Variants in AGBL4 observed in about 807,000 individuals in gnomAD.
AGBL4 encodes the protein cytosolic carboxypeptidase 6.
AGBL4 carries 58 observed loss-of-function variants against 66.4 expected under a neutral mutation model. The ratio of observed to expected loss-of-function variants is 0.87; its 90% CI spans 0.71 to 1.09. AGBL4 has a LOEUF of 1.09. AGBL4 is among the 50% of genes least tolerant of loss of function. The pLI, the probability that AGBL4 is intolerant of heterozygous loss-of-function variation, is 0.00. For missense variants in AGBL4, 579 were observed against 631.0 expected (o/e 0.92, Z 0.88); for synonymous variants, 234 against 222.9 (o/e 1.05, Z -0.44).
chr1:49,517,614 A>G (rs1174950936), intron 3 of AGBL4, among the ~76,000 whole-genome samples: 1 of 152,000 alleles, frequency 6.6e-6, no homozygotes, highest in Non-Finnish European at 1.5e-5. Context: ...GTCTCACTTA[A>G]TAAAGCACTA....
At chr1:49,017,466 C>T (rs1293346957) in intron 5 of AGBL4, among the ~76,000 whole-genome samples, 1 of 152,152 alleles carries the variant, frequency 6.6e-6, no homozygotes, top group Admixed American at 6.5e-5. Flanking sequence ...CTATTTCTAA[C>T]GTGGCATAAT....
At chr1:49,520,418 A>G (rs890942418) in intron 3 of AGBL4, among the ~76,000 whole-genome samples, 7 of 152,090 alleles carry the variant, frequency 4.6e-5, no homozygotes, top group South Asian at 2.1e-4. Context: ...TAAAGTATAT[A>G]TTAACTTTAC....
At chr1:48,801,318 T>C (rs1283468615) in intron 6 of AGBL4, among the ~76,000 whole-genome samples, 4 of 152,232 alleles carry the variant, frequency 2.6e-5, no homozygotes, top group Non-Finnish European at 4.4e-5. Context: ...CTGCAGCTCC[T>C]GCACTTGTAT....
intron 1 of AGBL4, among the ~76,000 whole-genome samples, chr1:49,919,268 T>C (rs190341862): frequency 3.3e-4 from 51 of 152,276 alleles, no homozygotes; most frequent in Non-Finnish European, 5.6e-4. Context: ...TAAAGGGGAT[T>C]CAATTAGGAA....
chr1:49,660,879 C>T (rs750251615), intron 3 of AGBL4, among the ~76,000 whole-genome samples: 71 of 151,794 alleles, frequency 4.7e-4, no homozygotes, highest in Non-Finnish European at 7.6e-4. Context: ...CATGTTCTCA[C>T]TTGTAAGTGG....
chr1:48,544,241 G>A (rs1287350732), intron 11 of AGBL4, among the ~76,000 whole-genome samples: 1 of 152,198 alleles, frequency 6.6e-6, no homozygotes, highest in Non-Finnish European at 1.5e-5. Flanking sequence ...TCTGGAGGCA[G>A]TCTCACCCAG....
intron 9 of AGBL4, among the ~76,000 whole-genome samples, chr1:48,626,973 G>T (rs1395710893): frequency 6.6e-6 from 1 of 152,074 alleles, no homozygotes; most frequent in African/African-American, 2.4e-5. Flanking sequence ...GAATGCCATG[G>T]CTATGGCCTC....
chr1:49,496,229 A>AT (rs1449536416), intron 3 of AGBL4, among the ~76,000 whole-genome samples: 1 of 152,058 alleles, frequency 6.6e-6, no homozygotes, highest in Non-Finnish European at 1.5e-5. Flanking sequence ...GCCATTTAAA[A>AT]TGGAGTCTTT....
chr1:49,984,365 C>A (rs74953798), intron 1 of AGBL4, among the ~76,000 whole-genome samples: 4,280 of 152,286 alleles, frequency 0.028, 170 homozygotes, highest in African/African-American at 0.097. Context: ...GCCTTCATGT[C>A]CTGAAAAGAC....
At chr1:48,898,837 G>A (rs1165084452) in intron 5 of AGBL4, among the ~76,000 whole-genome samples, 2 of 152,180 alleles carry the variant, frequency 1.3e-5, no homozygotes, top group Non-Finnish European at 2.9e-5. Flanking sequence ...CAAAAAGGGA[G>A]AGACATCCAG....
At chr1:49,984,901 G>C (rs1001356424) in intron 1 of AGBL4, among the ~76,000 whole-genome samples, 1 of 152,158 alleles carries the variant, frequency 6.6e-6, no homozygotes, top group East Asian at 1.9e-4. Flanking sequence ...CATTCAAAAA[G>C]AGCACATAGA....
chr1:49,688,262 C>A (rs118116227), intron 3 of AGBL4, among the ~76,000 whole-genome samples: 1 of 152,278 alleles, frequency 6.6e-6, no homozygotes, highest in East Asian at 1.9e-4. Flanking sequence ...CTAGTCTCCA[C>A]CTCCATGAGT....
intron 4 of AGBL4, among the ~76,000 whole-genome samples, chr1:49,110,082 A>C (rs538049221): frequency 6.6e-6 from 1 of 152,292 alleles, no homozygotes; most frequent in East Asian, 1.9e-4. Flanking sequence ...TTTACACTAC[A>C]ATAACTATTT....
intron 1 of AGBL4, among the ~76,000 whole-genome samples, chr1:49,905,562 T>G (rs910547804): frequency 1.3e-5 from 2 of 152,162 alleles, no homozygotes; most frequent in African/African-American, 4.8e-5. Flanking sequence ...ACCTAAATAT[T>G]TGGGGGCATT....
chr1:48,832,187 G>T (rs942904807), intron 6 of AGBL4, among the ~76,000 whole-genome samples: 1 of 152,166 alleles, frequency 6.6e-6, no homozygotes. Flanking sequence ...GAAGGTGGTT[G>T]GGGAAACACT....
intron 11 of AGBL4, among the ~76,000 whole-genome samples, chr1:48,571,360 T>C (rs753794868): frequency 6.6e-6 from 1 of 152,252 alleles, no homozygotes; most frequent in Non-Finnish European, 1.5e-5. Context: ...GCTTTCTCCA[T>C]AGCTGGGCTG....
At chr1:49,011,223 C>T (rs28824927) in intron 5 of AGBL4, among the ~76,000 whole-genome samples, 60,187 of 146,682 alleles carry the variant, frequency 0.41, 13,181 homozygotes, top group Middle Eastern at 0.55. Flanking sequence ...GGGCAAAGGA[C>T]ATGAACAGAC....
intron 3 of AGBL4, among the ~76,000 whole-genome samples, chr1:49,340,909 CT>C (rs1645526842): frequency 6.6e-6 from 1 of 152,154 alleles, no homozygotes; most frequent in Admixed American, 6.5e-5. Context: ...ATAAGTTTTG[CT>C]TTAAAGATAG....
intron 6 of AGBL4, among the ~76,000 whole-genome samples, chr1:48,819,167 G>T (rs1363777427): frequency 6.6e-6 from 1 of 152,144 alleles, no homozygotes; most frequent in Non-Finnish European, 1.5e-5. Context: ...ATTGAAAATA[G>T]ATTTTGAAGG....
Sources: allele counts gnomAD v4.1 joint callset (sites outside exome capture counted in the v4.1 genomes callset), GRCh38; gene constraint gnomAD v4.1.1; transcripts MANE v1.5; gene names NCBI Gene and HGNC (gene_info 2026-07-23, HGNC 2026-07-21).